The following RBFOX1 variants were observed in gnomAD, a reference collection of about 807,000 sequenced individuals.
RBFOX1 encodes RNA binding fox-1 homolog 1, also known as RNA binding protein fox-1 homolog 1.
In RBFOX1, 8 loss-of-function variants were observed where a neutral mutation model predicts 57.7. The observed-to-expected ratio is 0.14, with a 90% CI of 0.08 to 0.25. The LOEUF is 0.25. Among genes scored for constraint, RBFOX1 ranks in the 10% least tolerant of loss-of-function variants. RBFOX1 has a pLI of 1.00. For missense variants in RBFOX1, 611 were observed against 548.5 expected, an observed-to-expected ratio of 1.11 and a Z score of -1.14; for synonymous variants, 326 against 222.4, an observed-to-expected ratio of 1.47 and a Z score of -4.15.
chr16:7,466,233 C>T (rs749521761), intron 4 of RBFOX1, among the ~76,000 whole-genome samples: 1 of 152,218 alleles, frequency 6.6e-6, no homozygotes, highest in Non-Finnish European at 1.5e-5. Context: ...ACAATCCTTA[C>T]AGCTCTACTC....
At chr16:6,226,792 C>A (rs1044779546) in intron 1 of RBFOX1, among the ~76,000 whole-genome samples, 1 of 151,798 alleles carries the variant, frequency 6.6e-6, no homozygotes, top group African/African-American at 2.4e-5. Context: ...TCATGTGTTT[C>A]CTGTGATAAT....
At chr16:5,785,976 A>G (rs985471396) in intron 3 of RBFOX1, among the ~76,000 whole-genome samples, 1 of 150,288 alleles carries the variant, frequency 6.7e-6, no homozygotes, top group African/African-American at 2.5e-5. Context: ...TCACCTCCTT[A>G]CCTCCTTCTC....
intron 3 of RBFOX1, among the ~76,000 whole-genome samples, chr16:6,905,814 C>G (rs2069736356): frequency 6.6e-6 from 1 of 152,212 alleles, no homozygotes; most frequent in South Asian, 2.1e-4. Context: ...AACCTGCTGC[C>G]TTGGCACGGT....
At chr16:6,621,549 A>G (rs1187910561) in intron 2 of RBFOX1, among the ~76,000 whole-genome samples, 1 of 152,220 alleles carries the variant, frequency 6.6e-6, no homozygotes, top group Non-Finnish European at 1.5e-5. Flanking sequence ...AAGAGGCTTA[A>G]TTACATCGGC....
chr16:7,101,373 A>G (rs1040484142), intron 4 of RBFOX1, among the ~76,000 whole-genome samples: 2 of 152,224 alleles, frequency 1.3e-5, no homozygotes, highest in African/African-American at 4.8e-5. Context: ...TGTAATACTC[A>G]TCAGTAATTG....
chr16:6,858,744 C>G (rs989056668), intron 3 of RBFOX1, among the ~76,000 whole-genome samples: 1 of 151,958 alleles, frequency 6.6e-6, no homozygotes, highest in South Asian at 2.1e-4. Flanking sequence ...ACAGTGTATA[C>G]CAAAAACACA....
intron 5 of RBFOX1, among the ~76,000 whole-genome samples, chr16:7,559,085 A>T (rs1013559958): frequency 1.3e-5 from 2 of 152,228 alleles, no homozygotes; most frequent in Admixed American, 1.3e-4. Context: ...CCAGCATAGG[A>T]GAAAGGTTCA....
chr16:5,365,523 G>C (rs970224182), intron 1 of RBFOX1, among the ~76,000 whole-genome samples: 40 of 152,054 alleles, frequency 2.6e-4, no homozygotes, highest in Admixed American at 2.6e-3. Flanking sequence ...ACAAAAATTA[G>C]CTGGGCATGG....
chr16:5,366,111 G>T, intron 1 of RBFOX1: 1 of 461,480 alleles, frequency 2.2e-6, no homozygotes. Flanking sequence ...GTGTGGTTCA[G>T]GGCGAGTGCA....
intron 4 of RBFOX1, among the ~76,000 whole-genome samples, chr16:7,415,651 C>G (rs1043793795): frequency 4.6e-5 from 7 of 152,148 alleles, no homozygotes; most frequent in African/African-American, 1.4e-4. Flanking sequence ...TCTCTGTTCT[C>G]TCTCTTAAAA....
At chr16:7,504,781 A>ATT (rs2072586095) in intron 4 of RBFOX1, among the ~76,000 whole-genome samples, 3 of 19,116 alleles carry the variant, frequency 1.6e-4, no homozygotes, top group Non-Finnish European at 1.6e-4. Context: ...TTATATATAT[A>ATT]TATATTTATA....
intron 1 of RBFOX1, among the ~76,000 whole-genome samples, chr16:5,320,747 C>T (rs887743078): frequency 4.6e-5 from 7 of 152,168 alleles, no homozygotes; most frequent in East Asian, 1.9e-4. Flanking sequence ...GTTTCCTGGC[C>T]ACCCTTGATA....
chr16:6,665,714 A>G (rs2098728365), intron 3 of RBFOX1, among the ~76,000 whole-genome samples: 1 of 152,070 alleles, frequency 6.6e-6, no homozygotes, highest in South Asian at 2.1e-4. Flanking sequence ...AATAATAATA[A>G]TAATAGCAAC....
At chr16:6,456,377 T>C (rs1034615054) in intron 2 of RBFOX1, among the ~76,000 whole-genome samples, 1 of 152,162 alleles carries the variant, frequency 6.6e-6, no homozygotes, top group African/African-American at 2.4e-5. Flanking sequence ...GGCATGGTCA[T>C]AGCTTACTGC....
At chr16:6,738,400 C>T (rs971347197) in intron 3 of RBFOX1, among the ~76,000 whole-genome samples, 1 of 152,002 alleles carries the variant, frequency 6.6e-6, no homozygotes, top group African/African-American at 2.4e-5. Flanking sequence ...GAGTATAGAG[C>T]ATCAGAGTGG....
intron 1 of RBFOX1, among the ~76,000 whole-genome samples, chr16:5,371,420 C>T (rs982086562): frequency 6.6e-6 from 1 of 152,190 alleles, no homozygotes; most frequent in Non-Finnish European, 1.5e-5. Flanking sequence ...CCTGCAAGTC[C>T]AGGAGAGGCC....
intron 5 of RBFOX1, among the ~76,000 whole-genome samples, chr16:7,569,973 A>G (rs967433713): frequency 2.6e-5 from 4 of 152,144 alleles, no homozygotes; most frequent in Admixed American, 2.0e-4. Flanking sequence ...TTCACATGTC[A>G]TTTTTTCAAA....
chr16:7,360,884 AT>A (rs1487503637), intron 4 of RBFOX1, among the ~76,000 whole-genome samples: 6 of 152,134 alleles, frequency 3.9e-5, no homozygotes. Context: ...TCGAGTATCT[AT>A]TTAGAGTCCC....
intron 10 of RBFOX1, among the ~76,000 whole-genome samples, chr16:7,618,551 A>G (rs189585647): frequency 1.3e-5 from 2 of 152,212 alleles, no homozygotes; most frequent in African/African-American, 2.4e-5. Context: ...TAATGTTTTA[A>G]CTTGTTATCA....
Sources: gnomAD v4.1 joint callset for allele counts (sites outside exome capture counted in the v4.1 genomes callset) on GRCh38, gnomAD v4.1.1 for gene constraint, MANE v1.5 for transcripts, NCBI Gene and HGNC (gene_info 2026-07-23, HGNC 2026-07-21) for gene names.